Variants in MICU1 observed in about 807,000 individuals in gnomAD.
The protein encoded by MICU1 is mitochondrial calcium uptake 1.
In MICU1, 45 loss-of-function variants were observed where a neutral mutation model predicts 56.8. The ratio of observed to expected loss-of-function variants is 0.79; its 90% CI spans 0.62 to 1.02. The LOEUF is 1.02. Among genes scored for constraint, MICU1 ranks in the 50% least tolerant of loss-of-function variants. The pLI is 0.00. For missense variants in MICU1, 504 were observed against 587.1 expected (o/e 0.86, Z 1.46); for synonymous variants, 186 against 195.1 (o/e 0.95, Z 0.39).
At chr10:72,548,485 AG>A (rs1211217525) in intron 4 of MICU1, among the ~76,000 whole-genome samples, 3 of 152,246 alleles carry the variant, frequency 2.0e-5, no homozygotes, top group Non-Finnish European at 2.9e-5. Flanking sequence ...TATATTTTAG[AG>A]ACACATGCAA....
At chr10:72,553,072 T>C (rs535927123) in intron 3 of MICU1, among the ~76,000 whole-genome samples, 3 of 152,160 alleles carry the variant, frequency 2.0e-5, no homozygotes, top group Non-Finnish European at 4.4e-5. Flanking sequence ...TGAATAGATT[T>C]CACAGGAGAC....
At chr10:72,481,488 T>C (rs1866294111) in intron 6 of MICU1, among the ~76,000 whole-genome samples, 1 of 152,220 alleles carries the variant, frequency 6.6e-6, no homozygotes, top group African/African-American at 2.4e-5. Flanking sequence ...CTTGGCTCAC[T>C]GCAGCCTTTG....
chr10:72,596,054 T>C (rs1260851412), intron 1 of MICU1, among the ~76,000 whole-genome samples: 4 of 151,846 alleles, frequency 2.6e-5, no homozygotes, highest in African/African-American at 9.7e-5. Flanking sequence ...GGCACAATCT[T>C]GGCTCACTGC....
At chr10:72,618,310 G>A (rs2132585270) in intron 1 of MICU1, among the ~76,000 whole-genome samples, 1 of 152,084 alleles carries the variant, frequency 6.6e-6, no homozygotes, top group Non-Finnish European at 1.5e-5. Context: ...TGTGGCCCAG[G>A]CTGGTCTTGA....
chr10:72,561,710 C>G (rs1411694026), intron 3 of MICU1, among the ~76,000 whole-genome samples: 1 of 152,140 alleles, frequency 6.6e-6, no homozygotes. Flanking sequence ...TATTGGGAAG[C>G]TGAGGCAGGA....
rs375532659 is a variant in MICU1, at chr10:72,405,253, CTT to C, written c.1180+2674_1180+2675del. On this transcript the variant is annotated intron_variant, in intron 10 of 11. Coordinates refer to ENST00000361114, the MANE Select transcript of MICU1 (RefSeq NM_001195518.2). ...ATTAATTTAGAGACAGAGTTTCGCT[CTT>C]GTCGCCCAGAATGGAGTGCAATGGC... is the stretch of plus-strand genomic sequence containing the variant. 8.5e-4 allele frequency among the ~76,000 whole-genome samples: 129 copies of C among 151,670 alleles called. 1 individual carries two copies. The highest frequency in any genetic ancestry group is 2.9e-3 in the African/African-American group (118 of 41,348).
intron 8 of MICU1, among the ~76,000 whole-genome samples, chr10:72,449,629 T>A (rs943442451): frequency 6.6e-6 from 1 of 152,090 alleles, no homozygotes; most frequent in Non-Finnish European, 1.5e-5. Flanking sequence ...TTCTTTCTGG[T>A]CATCAAGTTA....
chr10:72,521,595 G>T (rs1256494508), intron 5 of MICU1, among the ~76,000 whole-genome samples: 2 of 151,964 alleles, frequency 1.3e-5, no homozygotes, highest in Non-Finnish European at 1.5e-5. Context: ...GAACACTCAG[G>T]GTTAGAGAAG....
chr10:72,552,455 T>C (rs1438412705), intron 3 of MICU1, among the ~76,000 whole-genome samples: 1 of 152,066 alleles, frequency 6.6e-6, no homozygotes, highest in Non-Finnish European at 1.5e-5. Flanking sequence ...GGCTAGAAAA[T>C]GTGTCAAGGC....
intron 1 of MICU1, among the ~76,000 whole-genome samples, chr10:72,610,955 C>T (rs375366174): frequency 1.2e-4 from 19 of 152,056 alleles, no homozygotes; most frequent in African/African-American, 4.6e-4. Context: ...AAACTTCCTG[C>T]TGCCACAAAA....
chr10:72,554,175 T>C (rs1840103507), intron 3 of MICU1, among the ~76,000 whole-genome samples: 1 of 152,188 alleles, frequency 6.6e-6, no homozygotes, highest in East Asian at 1.9e-4. Context: ...TATAACCAAA[T>C]AGCAGATGAG....
Position 72,607,924 on chromosome 10 carries a change from A to T in MICU1, c.-2+18086T>A, listed in dbSNP as rs569039548. 8.5e-5 allele frequency among the ~76,000 whole-genome samples: 13 copies of T among 152,306 alleles called. No individual in the cohort carries two copies. In the South Asian group the frequency reaches 2.5e-3, roughly 29 times the overall value. On this transcript the variant is annotated intron_variant, in intron 1 of 11. Coordinates refer to ENST00000361114, the MANE Select transcript of MICU1 (RefSeq NM_001195518.2). The stretch of plus-strand genomic sequence containing the variant: ...TTGTAGGACATTCAACTAGTATCAG[A>T]CATTGGTTAGGGTGGGAAACAATCC...
In MICU1 at chr10:72,592,775, TTTTC is replaced by T. The variant is rs764912712; in HGVS notation, c.-1-25985_-1-25982del. Reference sequence around the variant, plus strand: ...GAGCATTTCCCAAAATTCCACACACTTTTCTTTCTTTTTTTTTTTTTTTTGAGAT... The same window carrying T: ...GAGCATTTCCCAAAATTCCACACACTTTTCTTTTTTTTTTTTTTTTGAGAT... On this transcript the variant is annotated intron_variant, in intron 1 of 11. Transcript: ENST00000361114. 1.0e-3 allele frequency among the ~76,000 whole-genome samples: 157 copies of T among 151,332 alleles called. 1 individual carries two copies. Among genetic ancestry groups the T allele is most frequent in the Middle Eastern group, 0.01 (3 of 294 alleles).
At chr10:72,472,828 G>A (rs1339124146) in intron 8 of MICU1, among the ~76,000 whole-genome samples, 2 of 152,188 alleles carry the variant, frequency 1.3e-5, no homozygotes, top group Non-Finnish European at 2.9e-5. Context: ...GGCTGGGAGT[G>A]GTGGCTCACA....
chr10:72,434,321 G>A (rs1864640234), intron 8 of MICU1, among the ~76,000 whole-genome samples: 1 of 152,070 alleles, frequency 6.6e-6, no homozygotes, highest in African/African-American at 2.4e-5. Context: ...AAACTTGTTG[G>A]TTATCTTTCC....
At chr10:72,382,278 T>TA (rs1256671373) in intron 10 of MICU1, among the ~76,000 whole-genome samples, 28 of 147,010 alleles carry the variant, frequency 1.9e-4, no homozygotes, top group African/African-American at 6.7e-4. Flanking sequence ...TCCGGCTAAT[T>TA]TTTTTTTTTT....
chr10:72,493,064 C>G (rs1866716944), intron 6 of MICU1, among the ~76,000 whole-genome samples: 1 of 152,144 alleles, frequency 6.6e-6, no homozygotes, highest in Non-Finnish European at 1.5e-5. Context: ...TGGCAGTGAG[C>G]CAAAATTGTG....
chr10:72,410,794 T>C (rs148862486), intron 9 of MICU1, among the ~76,000 whole-genome samples: 11 of 152,346 alleles, frequency 7.2e-5, no homozygotes, highest in African/African-American at 2.6e-4. Context: ...GGTCTCATTA[T>C]GCATACCATA....
chr10:72,563,064 C>T lies in MICU1; in HGVS notation c.162-1G>A, dbSNP rs764467399. The T allele has an allele frequency of 1.3e-5, 20 of 1,527,780 alleles. No homozygotes were observed. The highest frequency in any genetic ancestry group is 1.8e-5 in the Non-Finnish European group (20 of 1,140,888). The allele number at this position is 1,527,780 out of a possible 1,614,324, so 94.6% of individuals were successfully genotyped here. ...ACATGGTGGAGATTCTGCATGGGCC[C>T]TGGATATGCAAAAAAGAAATCTAGA... is the stretch of plus-strand genomic sequence containing the variant. On this transcript the variant is annotated splice_acceptor_variant, in intron 2 of 11. Coordinates refer to ENST00000361114, the MANE Select transcript of MICU1 (RefSeq NM_001195518.2). LOFTEE classifies it high-confidence loss of function.
Sources: gnomAD v4.1 joint callset for allele counts (sites outside exome capture counted in the v4.1 genomes callset) on GRCh38, gnomAD v4.1.1 for gene constraint, MANE v1.5 for transcripts, NCBI Gene and HGNC (gene_info 2026-07-23, HGNC 2026-07-21) for gene names.